UBN2: variants seen among roughly 807,000 people sequenced by gnomAD.
UBN2 encodes the protein ubinuclein-2.
Under a neutral mutation model 120.2 loss-of-function variants are expected in UBN2, and 35 were observed. That is an observed-to-expected ratio of 0.29 (90% CI 0.22 to 0.39). The LOEUF (loss-of-function observed/expected upper bound fraction) is 0.39, where lower values mean the gene tolerates loss of function less well. UBN2 is among the 10% of genes least tolerant of loss of function. The pLI is 1.00. For missense variants in UBN2, 1,693 were observed against 1,663.2 expected, an observed-to-expected ratio of 1.02 and a Z score of -0.31; for synonymous variants, 661 against 648.7, an observed-to-expected ratio of 1.02 and a Z score of -0.29.
At chr7:139,285,942 T>A (rs1312453280) in intron 15 of UBN2, among the ~76,000 whole-genome samples, 4 of 151,910 alleles carry the variant, frequency 2.6e-5, no homozygotes, top group South Asian at 2.1e-4. Context: ...TATTATTATT[T>A]TTTTGAGACG....
intron 7 of UBN2, among the ~76,000 whole-genome samples, chr7:139,267,902 T>C (rs534594832): frequency 6.6e-6 from 1 of 152,342 alleles, no homozygotes; most frequent in South Asian, 2.1e-4. Context: ...CCTAGCTCCC[T>C]TTAAAACCCC....
chr7:139,323,115 A>G, the UBN2 span, among the ~76,000 whole-genome samples: 1 of 152,152 alleles, frequency 6.6e-6, no homozygotes, highest in African/African-American at 2.4e-5. Context: ...CCTTCAAATA[A>G]CAGAAACTAC....
intron 14 of UBN2, 34 bp from the exon 15 acceptor site, chr7:139,282,990 T>G: frequency 7.0e-7 from 1 of 1,429,880 alleles, no homozygotes; most frequent in Non-Finnish European, 9.3e-7. Context: ...TTATTCACCA[T>G]TTCTATTTTT....
At chr7:139,257,349 T>C (rs1247827792) in intron 3 of UBN2, among the ~76,000 whole-genome samples, 1 of 152,226 alleles carries the variant, frequency 6.6e-6, no homozygotes, top group East Asian at 1.9e-4. Flanking sequence ...TTTTCTATGC[T>C]ATTCAATTCT....
chr7:139,282,138 A>G, intron 14 of UBN2, 83 bp downstream of exon 14: 1 of 1,240,366 alleles, frequency 8.1e-7, no homozygotes, highest in South Asian at 1.3e-5. Flanking sequence ...AATTGAAGAG[A>G]CTTTGATACG....
At chr7:139,249,987 T>G (rs538026236) in intron 2 of UBN2, among the ~76,000 whole-genome samples, 1 of 152,102 alleles carries the variant, frequency 6.6e-6, no homozygotes, top group East Asian at 1.9e-4. Context: ...AGGTATGAGT[T>G]ACTGCACCTG....
chr7:139,307,956 C>T lies in UBN2; in HGVS notation c.*10120C>T, dbSNP rs1798391387. ...GATATGTGAGAGGGCATAAACATTC[C>T]TAAATATGGACCTGTGAATTTAGTA... On this transcript the variant is annotated 3_prime_UTR_variant, in exon 18 of 18. Transcript: ENST00000473989. The T allele has an allele frequency of 6.6e-6, 1 of 151,168 alleles. No individual in the cohort carries two copies. Among genetic ancestry groups the T allele is most frequent in the Non-Finnish European group, 1.5e-5 (1 of 67,892 alleles). The allele number at this position is 151,168 out of a possible 1,614,324, so 9.4% of individuals were successfully genotyped here. A position where few individuals can be genotyped will look rare whatever the true frequency, so the allele number is the denominator to read the frequency against.
the UBN2 span, among the ~76,000 whole-genome samples, chr7:139,315,775 C>T: frequency 1.3e-5 from 2 of 151,902 alleles, no homozygotes; most frequent in Admixed American, 6.6e-5. Flanking sequence ...GTTCCAGTTC[C>T]GGCCAGGCAT....
Position 139,284,056 on chromosome 7 carries a change from C to T in UBN2, c.3151C>T (p.Pro1051Ser). The T allele has an allele frequency of 1.9e-6, 3 of 1,614,148 alleles. No homozygotes were observed. The highest frequency in any genetic ancestry group is 1.7e-6 in the Non-Finnish European group (2 of 1,180,024). ...ASPKPATSPK[P>S]LPSPKPSASP... The stretch of plus-strand genomic sequence containing the variant: ...TCCCAAGCCTGCCACATCTCCTAAA[C>T]CCCTGCCCTCGCCTAAGCCTTCTGC... The change falls in exon 15 of 18, where the codon CCC becomes TCC. Residue 1051 changes from proline (P) to serine (S), a missense_variant. This residue lies in a region of UBN2 where 837 missense variants were observed against 817.6 expected (regional missense o/e 1.02). Transcript: ENST00000473989.
chr7:139,232,036 GC>G, intron 1 of UBN2, 84 bp downstream of exon 1: 2 of 1,379,402 alleles, frequency 1.4e-6, no homozygotes, highest in Non-Finnish European at 2.0e-6. Flanking sequence ...ACCTTGGGAC[GC>G]CCACCGAGCG....
chr7:139,247,279 CTT>C lies in UBN2; in HGVS notation c.562-4676_562-4675del, dbSNP rs201168648. 9.8e-3 allele frequency among the ~76,000 whole-genome samples: 1,488 copies of C among 152,184 alleles called. 13 individuals carry two copies. Among genetic ancestry groups the C allele is most frequent in the Non-Finnish European group, 0.014 (966 of 68,012 alleles). ...CATGTTAGCATTTGATGTCATCACT[CTT>C]AATTTTAGCCAATAATGGTTTTAAG... On this transcript the variant is annotated intron_variant, in intron 2 of 17. Transcript: ENST00000473989.
intron 2 of UBN2, among the ~76,000 whole-genome samples, chr7:139,248,682 C>A (rs1244376144): frequency 6.6e-6 from 1 of 152,074 alleles, no homozygotes; most frequent in Non-Finnish European, 1.5e-5. Context: ...TCGTATGTGG[C>A]AGGACTAGTC....
intron 17 of UBN2, 83 bp downstream of exon 17, chr7:139,294,064 T>C: frequency 7.0e-7 from 1 of 1,422,416 alleles, no homozygotes; most frequent in Non-Finnish European, 9.8e-7. Context: ...ACAATGTGAA[T>C]GGAATGACAA....
the UBN2 span, among the ~76,000 whole-genome samples, chr7:139,319,956 G>T: frequency 1.3e-5 from 2 of 151,362 alleles, no homozygotes; most frequent in African/African-American, 2.4e-5. Context: ...GGTGCCTGTA[G>T]TCCCAGCTAC....
At chr7:139,268,919 G>A (rs1797179228) in intron 7 of UBN2, among the ~76,000 whole-genome samples, 1 of 152,118 alleles carries the variant, frequency 6.6e-6, no homozygotes, top group Admixed American at 6.6e-5. Flanking sequence ...TTATTGGTAT[G>A]GGGCTGGGCG....
intron 8 of UBN2, among the ~76,000 whole-genome samples, chr7:139,270,386 A>G (rs1025727309): frequency 1.3e-5 from 2 of 149,590 alleles, no homozygotes; most frequent in Non-Finnish European, 3.0e-5. Context: ...CTCCTGTCTC[A>G]GCCTCCCGAG....
the UBN2 span, among the ~76,000 whole-genome samples, chr7:139,313,683 A>G: frequency 6.6e-6 from 1 of 152,086 alleles, no homozygotes; most frequent in African/African-American, 2.4e-5. Flanking sequence ...TTATTGATCT[A>G]AGTCTTCTCC....
chr7:139,237,073 G>T lies in UBN2; in HGVS notation c.537G>T (p.Leu179Phe). ...AGGAGAGGCAAGAGGTGGAAATGTT[G>T]GCTAAGAAGTTTGAAATGAAATATG... Reference protein sequence around the residue: ...EHQERQEVEMLAKKFEMKYGG... With the variant: ...EHQERQEVEMFAKKFEMKYGG... Residue 179 changes from leucine to phenylalanine, a missense_variant, in exon 2 of 18, where the codon TTG becomes TTT. By Grantham distance (22) the Leu-to-Phe change is conservative. Coordinates refer to ENST00000473989, the MANE Select transcript of UBN2 (RefSeq NM_173569.4). 6.2e-7 allele frequency: 1 copy of T among 1,609,998 alleles called. No homozygotes were observed. The highest frequency in any genetic ancestry group is 1.1e-5 in the South Asian group (1 of 90,934).
intron 17 of UBN2, among the ~76,000 whole-genome samples, chr7:139,295,799 T>C (rs1026818120): frequency 1.3e-5 from 2 of 152,110 alleles, no homozygotes; most frequent in East Asian, 3.9e-4. Flanking sequence ...TGTGCACCTG[T>C]AGTCCCAGCT....
Sources: allele counts gnomAD v4.1 joint callset (sites outside exome capture counted in the v4.1 genomes callset), GRCh38; gene constraint gnomAD v4.1.1; regional missense constraint gnomAD v4.1.1; transcripts MANE v1.5; gene names NCBI Gene and HGNC (gene_info 2026-07-23, HGNC 2026-07-21).